ANTXR1: variants seen among roughly 807,000 people sequenced by gnomAD.
ANTXR1 encodes anthrax toxin receptor 1.
A neutral mutation model predicts 78.1 loss-of-function variants in ANTXR1; 19 were observed. The ratio of observed to expected loss-of-function variants is 0.24; its 90% CI spans 0.17 to 0.36. The LOEUF is 0.36. ANTXR1 is among the 10% of genes least tolerant of loss of function. ANTXR1 has a pLI of 1.00. For synonymous variants in ANTXR1, 273 were observed against 260.5 expected (o/e 1.05, Z -0.46); for missense variants, 518 against 718.6 (o/e 0.72, Z 3.19).
chr2:69,056,511 T>C (rs1670071399), intron 3 of ANTXR1, among the ~76,000 whole-genome samples: 1 of 152,140 alleles, frequency 6.6e-6, no homozygotes, highest in Admixed American at 6.6e-5. Context: ...CCAACCACGC[T>C]TGTGGAATAA....
intron 12 of ANTXR1, among the ~76,000 whole-genome samples, chr2:69,131,425 T>C (rs1229315870): frequency 1.3e-5 from 2 of 152,202 alleles, no homozygotes; most frequent in African/African-American, 4.8e-5. Context: ...TTTCAACACT[T>C]CATGACTACC....
chr2:69,155,662 G>T (rs1673499930), intron 13 of ANTXR1, among the ~76,000 whole-genome samples: 1 of 152,190 alleles, frequency 6.6e-6, no homozygotes, highest in South Asian at 2.1e-4. Flanking sequence ...GAATGTGTAG[G>T]GGGGAAAGTC....
intron 14 of ANTXR1, among the ~76,000 whole-genome samples, chr2:69,172,193 A>G (rs1674005329): frequency 6.6e-6 from 1 of 152,202 alleles, no homozygotes. Context: ...AATCAATTAA[A>G]TATGACGTCA....
intron 8 of ANTXR1, 183 bp from the exon 9 acceptor site, chr2:69,090,676 C>A: frequency 1.6e-6 from 1 of 644,728 alleles, no homozygotes. Flanking sequence ...GCATCTAGCA[C>A]AATCTGGCTT....
chr2:69,189,834 T>C (rs1370269063), intron 16 of ANTXR1, among the ~76,000 whole-genome samples: 1 of 152,004 alleles, frequency 6.6e-6, no homozygotes, highest in African/African-American at 2.4e-5. Context: ...AGGAGCAGGT[T>C]TGGGGAGAAG....
At chr2:69,182,772 C>G in intron 16 of ANTXR1, 112 bp downstream of exon 16, 1 of 1,353,464 alleles carries the variant, frequency 7.4e-7, no homozygotes, top group East Asian at 2.3e-5. Flanking sequence ...CAGCTTATCA[C>G]AGGGGAACAA....
At chr2:69,145,681 C>T (rs980686889) in intron 12 of ANTXR1, 57 of 1,146,996 alleles carry the variant, frequency 5.0e-5, no homozygotes, top group Non-Finnish European at 5.5e-5. Flanking sequence ...GAGGATTTCA[C>T]AGTTTCTTTA....
At chr2:69,180,734 C>T (rs900272461) in intron 14 of ANTXR1, among the ~76,000 whole-genome samples, 14 of 152,266 alleles carry the variant, frequency 9.2e-5, no homozygotes, top group African/African-American at 2.4e-4. Context: ...CTCTGTGGAA[C>T]GTACGTTCTA....
intron 3 of ANTXR1, among the ~76,000 whole-genome samples, chr2:69,060,912 C>G (rs1211633602): frequency 6.6e-6 from 1 of 152,084 alleles, no homozygotes; most frequent in Non-Finnish European, 1.5e-5. Flanking sequence ...ACCAGGAAAA[C>G]TTGAAACAAA....
intron 12 of ANTXR1, among the ~76,000 whole-genome samples, chr2:69,151,454 A>G (rs1673393728): frequency 6.6e-6 from 1 of 152,028 alleles, no homozygotes; most frequent in Non-Finnish European, 1.5e-5. Flanking sequence ...GTTGACACCA[A>G]GTGGGGTCTC....
rs1172035549 is a variant in ANTXR1 at position 69,247,039 on chromosome 2, G to A, written c.*1554G>A. Reference sequence around the variant, plus strand: ...ATTCACTCACTTTACTTAGAACAGAGATATAAGGGCCTGGGATGCATTTAT... The same window carrying A: ...ATTCACTCACTTTACTTAGAACAGAAATATAAGGGCCTGGGATGCATTTAT... On this transcript the variant is annotated 3_prime_UTR_variant, in exon 18 of 18. Coordinates refer to ENST00000303714, the MANE Select transcript of ANTXR1 (RefSeq NM_032208.3). The A allele has an allele frequency of 6.6e-6, 1 of 152,196 alleles. No individual in the cohort carries two copies. Among genetic ancestry groups the A allele is most frequent in the East Asian group, 1.9e-4 (1 of 5,186 alleles). The allele number at this position is 152,196 out of a possible 1,614,324, so 9.4% of individuals were successfully genotyped here. A position where few individuals can be genotyped will look rare whatever the true frequency, so the allele number is the denominator to read the frequency against.
intron 17 of ANTXR1, among the ~76,000 whole-genome samples, chr2:69,236,441 A>C (rs1241955047): frequency 6.6e-6 from 1 of 152,188 alleles, no homozygotes; most frequent in East Asian, 1.9e-4. Flanking sequence ...ACAATAATAC[A>C]ATTCCTTCAG....
At chr2:69,201,753 C>G (rs751594998) in intron 17 of ANTXR1, among the ~76,000 whole-genome samples, 1 of 152,174 alleles carries the variant, frequency 6.6e-6, no homozygotes, top group Non-Finnish European at 1.5e-5. Flanking sequence ...ACATTGCTGA[C>G]TGTGCTGCCT....
chr2:69,126,388 A>T (rs1192395940), intron 12 of ANTXR1, among the ~76,000 whole-genome samples: 1 of 152,226 alleles, frequency 6.6e-6, no homozygotes, highest in Non-Finnish European at 1.5e-5. Context: ...AGGCCTCAGT[A>T]GGACACCACC....
At chr2:69,044,637 A>G in intron 2 of ANTXR1, 105 bp from the exon 3 acceptor site, 2 of 1,254,798 alleles carry the variant, frequency 1.6e-6, no homozygotes, top group Non-Finnish European at 2.3e-6. Context: ...ATGGGTCTTC[A>G]GTTCTGGCAG....
chr2:69,152,259 A>C lies in ANTXR1; in HGVS notation c.1042A>C (p.Thr348Pro). ...LLWWFWPLCC[T>P]VIIKEVPPPP... ...CTGGTGGTTCTGGCCCCTCTGCTGC[A>C]CTGTGGTAAGTGCCCCAAACCTCAG... Residue 348 changes from threonine to proline, a missense_variant, in exon 13 of 18, where the codon ACT becomes CCT. By Grantham distance (38) the Thr-to-Pro change is conservative (BLOSUM62 -1). Around this residue, in one of 5 missense-constraint regions of ANTXR1, gnomAD observed 264 missense variants for 391.8 expected, o/e 0.67. Transcript: ENST00000303714. The C allele has an allele frequency of 6.2e-7, 1 of 1,614,154 alleles. No individual in the cohort carries two copies. Among genetic ancestry groups the C allele is most frequent in the East Asian group, 2.2e-5 (1 of 44,876 alleles).
chr2:69,120,483 G>T (rs1251296122), intron 10 of ANTXR1, among the ~76,000 whole-genome samples: 3 of 152,092 alleles, frequency 2.0e-5, no homozygotes, highest in East Asian at 3.9e-4. Flanking sequence ...GGCCAATATG[G>T]TGAAACCCCA....
intron 17 of ANTXR1, among the ~76,000 whole-genome samples, chr2:69,219,381 G>A (rs1236513238): frequency 1.9e-5 from 1 of 53,976 alleles, no homozygotes; most frequent in Non-Finnish European, 4.1e-5. Context: ...CCACCAGAAG[G>A]AGGACACACA....
chr2:69,157,641 A>G (rs1457640489), intron 13 of ANTXR1, among the ~76,000 whole-genome samples: 1 of 151,918 alleles, frequency 6.6e-6, no homozygotes, highest in East Asian at 1.9e-4. Flanking sequence ...CCCACACCTC[A>G]TCTTATCTCA....
Sources: gnomAD v4.1 joint callset for allele counts (sites outside exome capture counted in the v4.1 genomes callset) on GRCh38, gnomAD v4.1.1 for gene constraint, gnomAD v4.1.1 regional missense constraint, MANE v1.5 for transcripts, NCBI Gene and HGNC (gene_info 2026-07-23, HGNC 2026-07-21) for gene names.